The following CACNA2D3 variants were observed in gnomAD, a reference collection of about 807,000 sequenced individuals.
CACNA2D3 encodes the protein calcium voltage-gated channel auxiliary subunit alpha2delta 3, also known as voltage-dependent calcium channel subunit alpha-2/delta-3.
A neutral mutation model predicts 160.6 loss-of-function variants in CACNA2D3; 60 were observed. The observed-to-expected ratio is 0.37, with a 90% CI of 0.30 to 0.46. CACNA2D3 has a LOEUF of 0.46. CACNA2D3 is among the 20% of genes least tolerant of loss of function. CACNA2D3 has a pLI of 1.00. For missense variants in CACNA2D3, 1,205 were observed against 1,365.0 expected (o/e 0.88, Z 1.85); for synonymous variants, 558 against 492.9 (o/e 1.13, Z -1.75).
chr3:54,906,855 T>A (rs1374097895), intron 27 of CACNA2D3, among the ~76,000 whole-genome samples: 1 of 152,228 alleles, frequency 6.6e-6, no homozygotes, highest in African/African-American at 2.4e-5. Flanking sequence ...GATGTAGCTA[T>A]AGGTCACACT....
chr3:54,573,655 A>G (rs1039565950), intron 8 of CACNA2D3, among the ~76,000 whole-genome samples: 2 of 152,230 alleles, frequency 1.3e-5, no homozygotes, highest in African/African-American at 2.4e-5. Flanking sequence ...AATAAAATCT[A>G]GAAGTGAAAT....
At chr3:54,789,155 G>A (rs1028711166) in intron 13 of CACNA2D3, among the ~76,000 whole-genome samples, 4 of 152,066 alleles carry the variant, frequency 2.6e-5, no homozygotes, top group African/African-American at 7.2e-5. Context: ...ATATCATTAA[G>A]TATAAATATA....
At chr3:54,456,428 T>C (rs918177549) in intron 4 of CACNA2D3, among the ~76,000 whole-genome samples, 1 of 152,076 alleles carries the variant, frequency 6.6e-6, no homozygotes, top group African/African-American at 2.4e-5. Flanking sequence ...CCTGCAACTT[T>C]ACCGAAATTG....
chr3:54,281,570 G>A (rs545810804), intron 2 of CACNA2D3, among the ~76,000 whole-genome samples: 6 of 152,148 alleles, frequency 3.9e-5, no homozygotes, highest in African/African-American at 7.2e-5. Flanking sequence ...AGAGCTGTGC[G>A]AACAGATGTG....
intron 5 of CACNA2D3, among the ~76,000 whole-genome samples, chr3:54,534,972 G>A (rs1345716937): frequency 1.3e-5 from 2 of 152,074 alleles, no homozygotes; most frequent in African/African-American, 2.4e-5. Context: ...TATCTTCTCC[G>A]TCATTCCCAA....
chr3:54,732,962 G>A lies in CACNA2D3; in HGVS notation c.1168-19637G>A, dbSNP rs548059334. Among the ~76,000 whole-genome samples the A allele has an allele frequency of 1.1e-4, 17 of 152,294 alleles. No individual in the cohort carries two copies. In the South Asian group the frequency reaches 2.3e-3, roughly 20 times the overall value. ...TTTGAGTGGCTTGTACTTGGACATC[G>A]GTGGAAGTAAAACTGATCAGAACTT... On this transcript the variant is annotated intron_variant, in intron 11 of 37. Transcript: ENST00000474759.
chr3:54,701,448 G>A (rs1271551146), intron 11 of CACNA2D3, among the ~76,000 whole-genome samples: 2 of 152,160 alleles, frequency 1.3e-5, no homozygotes. Flanking sequence ...ACAAGGATGT[G>A]CTTGAAAGAT....
Position 54,621,959 on chromosome 3 carries a change from T to C in CACNA2D3, c.964-5828T>C, listed in dbSNP as rs542506761. On this transcript the variant is annotated intron_variant, in intron 9 of 37. Transcript: ENST00000474759. ...CCAAAATTCTTTCAGATGACTTCTT[T>C]TTTCGGGTCCCCCAGGGAGAAGTCA... 3.3e-5 allele frequency among the ~76,000 whole-genome samples: 5 copies of C among 152,316 alleles called. No homozygotes were observed. The South Asian group carries it at 1.0e-3, about 32-fold the overall frequency.
chr3:54,458,166 T>C (rs1700433574), intron 4 of CACNA2D3, among the ~76,000 whole-genome samples: 1 of 152,132 alleles, frequency 6.6e-6, no homozygotes. Flanking sequence ...TTCCTTTCTT[T>C]CTCTCATTGC....
Position 55,074,341 on chromosome 3 carries a change from T to G in CACNA2D3, c.*135T>G. The stretch of plus-strand genomic sequence containing the variant: ...AACCATCAGCATCTCATCATGATTT[T>G]AAACTGTGCGTGATATAAACTCTTA... On this transcript the variant is annotated 3_prime_UTR_variant, in exon 38 of 38. Coordinates refer to ENST00000474759, the MANE Select transcript of CACNA2D3 (RefSeq NM_018398.3). 2 of 726,262 alleles carry G rather than the reference T, an allele frequency of 2.8e-6. No individual in the cohort carries two copies. The highest frequency in any genetic ancestry group is 4.9e-6 in the Non-Finnish European group (2 of 407,362). The allele number at this position is 726,262 out of a possible 1,614,324, so 45.0% of individuals were successfully genotyped here. A position where few individuals can be genotyped will look rare whatever the true frequency, so the allele number is the denominator to read the frequency against.
chr3:54,331,836 T>C (rs1050894953), intron 3 of CACNA2D3, among the ~76,000 whole-genome samples: 1 of 152,230 alleles, frequency 6.6e-6, no homozygotes, highest in Non-Finnish European at 1.5e-5. Context: ...GTTGTCTGTT[T>C]TCTCCCAATC....
chr3:54,625,864 T>G (rs1201597063), intron 9 of CACNA2D3, among the ~76,000 whole-genome samples: 1 of 152,202 alleles, frequency 6.6e-6, no homozygotes, highest in Non-Finnish European at 1.5e-5. Flanking sequence ...CGATCCATTT[T>G]GATTCCGTGA....
intron 13 of CACNA2D3, among the ~76,000 whole-genome samples, chr3:54,798,396 C>T (rs537851061): frequency 5.3e-5 from 8 of 152,080 alleles, no homozygotes; most frequent in Non-Finnish European, 1.0e-4. Context: ...AATAGCCAGG[C>T]GCGTTGGCAT....
chr3:54,434,726 A>G (rs1030051117), intron 4 of CACNA2D3, among the ~76,000 whole-genome samples: 1 of 152,204 alleles, frequency 6.6e-6, no homozygotes, highest in Non-Finnish European at 1.5e-5. Context: ...TCTGGAGACC[A>G]TTCTCAGAGT....
At position 54,871,539 on chromosome 3, in the gene CACNA2D3, T is replaced by C; in HGVS notation, c.1627T>C (p.Tyr543His). ...ILTHPELRLL[Y>H]EEGKKRRKPN... Reference sequence around the variant, plus strand: ...TTCTTTTTCTTCTTCCCCTTGCTAGTACGAAGAAGGAAAAAAGCGAAGGAA... The same window carrying C: ...TTCTTTTTCTTCTTCCCCTTGCTAGCACGAAGAAGGAAAAAAGCGAAGGAA... Residue 543 changes from tyrosine to histidine, a missense_variant and splice_region_variant, in exon 18 of 38, where the codon TAC becomes CAC. By Grantham distance (83) the Tyr-to-His change is moderately conservative. Coordinates refer to ENST00000474759, the MANE Select transcript of CACNA2D3 (RefSeq NM_018398.3). The C allele has an allele frequency of 6.2e-7, 1 of 1,610,078 alleles. No individual in the cohort carries two copies. The highest frequency in any genetic ancestry group is 8.5e-7 in the Non-Finnish European group (1 of 1,176,438).
chr3:54,251,540 T>C (rs937726264), intron 2 of CACNA2D3, among the ~76,000 whole-genome samples: 24 of 152,198 alleles, frequency 1.6e-4, no homozygotes, highest in African/African-American at 5.5e-4. Context: ...GACGGTGGCA[T>C]TGTAGTGAGT....
chr3:54,141,884 A>AT (rs1699942762), intron 2 of CACNA2D3, among the ~76,000 whole-genome samples: 5 of 152,240 alleles, frequency 3.3e-5, no homozygotes, highest in Admixed American at 3.3e-4. Flanking sequence ...TCCAGGTATC[A>AT]TGCCGGCTCT....
At chr3:54,167,579 T>G (rs1001737220) in intron 2 of CACNA2D3, among the ~76,000 whole-genome samples, 1 of 152,216 alleles carries the variant, frequency 6.6e-6, no homozygotes, top group Non-Finnish European at 1.5e-5. Flanking sequence ...GGGTCTTTGA[T>G]GTAGTGCAAA....
intron 12 of CACNA2D3, among the ~76,000 whole-genome samples, chr3:54,755,550 G>T (rs1701953652): frequency 6.6e-6 from 1 of 152,084 alleles, no homozygotes; most frequent in African/African-American, 2.4e-5. Context: ...TTCGTTCATT[G>T]TCTGGCTTGC....
Sources: allele counts gnomAD v4.1 joint callset (sites outside exome capture counted in the v4.1 genomes callset), GRCh38; gene constraint gnomAD v4.1.1; transcripts MANE v1.5; gene names NCBI Gene and HGNC (gene_info 2026-07-23, HGNC 2026-07-21).